The following KCNG3 variants were observed in gnomAD, a reference collection of about 807,000 sequenced individuals.
KCNG3 encodes potassium voltage-gated channel modifier subfamily G member 3.
In KCNG3, 15 loss-of-function variants were observed where a neutral mutation model predicts 29.0. The ratio of observed to expected loss-of-function variants is 0.52; its 90% CI spans 0.35 to 0.80. The LOEUF (loss-of-function observed/expected upper bound fraction) is 0.80, where lower values mean the gene tolerates loss of function less well. Among genes scored for constraint, KCNG3 ranks in the 30% least tolerant of loss-of-function variants. The probability of loss-of-function intolerance (pLI) is 0.01; values close to 1 mark genes in which losing one functional copy is unlikely to be tolerated. For synonymous variants in KCNG3, 322 were observed against 248.9 expected (o/e 1.29, Z -2.76); for missense variants, 512 against 605.7 (o/e 0.85, Z 1.62).
chr2:42,425,487 G>C, the KCNG3 span, among the ~76,000 whole-genome samples: 1 of 151,636 alleles, frequency 6.6e-6, no homozygotes, highest in Non-Finnish European at 1.5e-5. Flanking sequence ...AAGAGAAATA[G>C]AGGGATGATG....
In KCNG3 at chr2:42,493,201, A is replaced by G; in HGVS notation, c.301T>C (p.Trp101Arg). 1 of 1,610,786 alleles carries G rather than the reference A, an allele frequency of 6.2e-7. No homozygotes were observed. The highest frequency in any genetic ancestry group is 8.5e-7 in the Non-Finnish European group (1 of 1,179,822). Residue 101 changes from tryptophan to arginine, a missense_variant, in exon 1 of 2, where the codon TGG becomes CGG. Physicochemically the swap from Trp to Arg is moderately radical, Grantham distance 101 (BLOSUM62 -3). Coordinates refer to ENST00000306078, the MANE Select transcript of KCNG3 (RefSeq NM_133329.6). ...TCGAGGTGCGCGCCCTCCAGGCCCC[A>G]GTAGATCATCTCGTTGTAGAAGGAG... is the stretch of plus-strand genomic sequence containing the variant. ...ELSFYNEMIY[W>R]GLEGAHLEYC...
the KCNG3 span, chr2:42,415,572 A>G: frequency 1.3e-5 from 2 of 152,214 alleles, no homozygotes; most frequent in African/African-American, 2.4e-5. Context: ...ATGTAACATG[A>G]ACAAGAAATA....
At chr2:42,434,568 A>T in the KCNG3 span, among the ~76,000 whole-genome samples, 7 of 150,530 alleles carry the variant, frequency 4.7e-5, no homozygotes, top group African/African-American at 7.3e-5. Context: ...AATAATTTTT[A>T]AAAAAGGGAA....
At chr2:42,389,836 T>C in the KCNG3 span, among the ~76,000 whole-genome samples, 1 of 152,234 alleles carries the variant, frequency 6.6e-6, no homozygotes, top group Middle Eastern at 3.2e-3. Context: ...ACTTTTTAAA[T>C]CTTATTTGTT....
the KCNG3 span, among the ~76,000 whole-genome samples, chr2:42,394,465 C>G: frequency 6.6e-6 from 1 of 152,198 alleles, no homozygotes; most frequent in Non-Finnish European, 1.5e-5. Context: ...CTTCTCTAGA[C>G]CCTTGTCACA....
At chr2:42,487,301 T>A (rs1673749438) in intron 1 of KCNG3, among the ~76,000 whole-genome samples, 2 of 151,840 alleles carry the variant, frequency 1.3e-5, no homozygotes, top group South Asian at 4.2e-4. Context: ...AACAAAGTAT[T>A]TGCAACTAAT....
chr2:42,451,561 C>A (rs1672755047), intron 1 of KCNG3, among the ~76,000 whole-genome samples: 2 of 151,900 alleles, frequency 1.3e-5, no homozygotes, highest in Middle Eastern at 3.4e-3. Context: ...CCCGTCTCTA[C>A]TAAAAATACG....
chr2:42,471,120 C>G (rs1462714032), intron 1 of KCNG3, among the ~76,000 whole-genome samples: 1 of 151,286 alleles, frequency 6.6e-6, no homozygotes, highest in Non-Finnish European at 1.5e-5. Flanking sequence ...CCACTGAACT[C>G]CAGCCTGGGC....
chr2:42,471,885 C>CAAAA (rs59566876), intron 1 of KCNG3, among the ~76,000 whole-genome samples: 6 of 63,826 alleles, frequency 9.4e-5, no homozygotes, highest in Non-Finnish European at 1.5e-4. Flanking sequence ...CCCTGTATCT[C>CAAAA]AAAAAAAAAA....
rs1361762776 is a variant in KCNG3, at chr2:42,445,888, G to T, written c.666-1309C>A. Among the ~76,000 whole-genome samples, 3 of 151,910 alleles carry T rather than the reference G, an allele frequency of 2.0e-5. No individual in the cohort carries two copies. In the East Asian group the frequency reaches 5.8e-4, roughly 30 times the overall value. ...ACTACAGGCGTCTGCCACCATGCGTGACTAATTTTTGTATTTTTAGTAGAG... is the reference window on the plus strand; with the variant it reads ...ACTACAGGCGTCTGCCACCATGCGTTACTAATTTTTGTATTTTTAGTAGAG... On this transcript the variant is annotated intron_variant, in intron 1 of 1. Coordinates refer to ENST00000306078, the MANE Select transcript of KCNG3 (RefSeq NM_133329.6).
chr2:42,492,862 C>G lies in KCNG3; in HGVS notation c.640G>C (p.Ala214Pro). Residue 214 changes from alanine to proline, a missense_variant, in exon 1 of 2, where the codon GCC (alanine) becomes CCC (proline). By Grantham distance (27) the Ala-to-Pro change is conservative. Around this residue, in one of 5 missense-constraint regions of KCNG3, gnomAD observed 228 missense variants for 200.0 expected, o/e 1.14. Coordinates refer to ENST00000306078, the MANE Select transcript of KCNG3 (RefSeq NM_133329.6). ...CCGGAGGGCTCCCTCCCAGGGCCGG[C>G]GGAGTACCTGCTCCGGTCATCCAGG... ...RSLDDRSRYS[A>P]GPGREPSGII... 6.6e-7 allele frequency: 1 copy of G among 1,511,914 alleles called. No homozygotes were observed. Among genetic ancestry groups the G allele is most frequent in the Middle Eastern group, 1.8e-4 (1 of 5,626 alleles). The allele number at this position is 1,511,914 out of a possible 1,614,324, so 93.7% of individuals were successfully genotyped here.
At chr2:42,488,552 C>CTT (rs111727996) in intron 1 of KCNG3, among the ~76,000 whole-genome samples, 6 of 137,006 alleles carry the variant, frequency 4.4e-5, no homozygotes, top group Non-Finnish European at 4.8e-5. Flanking sequence ...ATTTTCTTTT[C>CTT]TTTTTTTTTT....
intron 1 of KCNG3, among the ~76,000 whole-genome samples, chr2:42,457,350 C>T (rs1385935734): frequency 6.6e-6 from 1 of 151,068 alleles, no homozygotes; most frequent in Non-Finnish European, 1.5e-5. Context: ...AAAAATTAGC[C>T]AAGCATGGGG....
chr2:42,408,006 G>A, the KCNG3 span, among the ~76,000 whole-genome samples: 5 of 152,216 alleles, frequency 3.3e-5, no homozygotes, highest in East Asian at 5.8e-4. Flanking sequence ...TGCCCACGCC[G>A]ATCTCAGAAC....
the KCNG3 span, among the ~76,000 whole-genome samples, chr2:42,420,098 C>G: frequency 6.6e-6 from 1 of 152,118 alleles, no homozygotes; most frequent in African/African-American, 2.4e-5. Context: ...GTGGCGGGCC[C>G]CTATAATCCC....
intron 1 of KCNG3, among the ~76,000 whole-genome samples, chr2:42,486,562 A>C (rs1376601504): frequency 6.6e-6 from 1 of 152,030 alleles, no homozygotes; most frequent in African/African-American, 2.4e-5. Flanking sequence ...AACCTCATCT[A>C]CCCTTGGACA....
Position 42,493,738 on chromosome 2 carries a change from T to C in KCNG3, c.-237A>G. On this transcript the variant is annotated 5_prime_UTR_variant, in exon 1 of 2. Coordinates refer to ENST00000306078, the MANE Select transcript of KCNG3 (RefSeq NM_133329.6). ...GTACCTGCGGGTGGCCGGGGAGTCC[T>C]CGCCGGCGCCAGCGCTGAGCCCCAC... is the stretch of plus-strand genomic sequence containing the variant. 3.0e-6 allele frequency: 1 copy of C among 332,516 alleles called. No homozygotes were observed. The highest frequency in any genetic ancestry group is 5.4e-6 in the Non-Finnish European group (1 of 184,840). The allele number at this position is 332,516 out of a possible 1,614,324, so 20.6% of individuals were successfully genotyped here. A position where few individuals can be genotyped will look rare whatever the true frequency, so the allele number is the denominator to read the frequency against.
intron 1 of KCNG3, among the ~76,000 whole-genome samples, chr2:42,461,669 C>T (rs534713435): frequency 6.6e-6 from 1 of 152,280 alleles, no homozygotes; most frequent in African/African-American, 2.4e-5. Flanking sequence ...TGCACCTTCA[C>T]CACCACCCCA....
the KCNG3 span, among the ~76,000 whole-genome samples, chr2:42,402,198 C>A: frequency 1.1e-4 from 16 of 152,216 alleles, no homozygotes; most frequent in Admixed American, 7.2e-4. Context: ...GACATCAGAA[C>A]CCCTGCTTCT....
Sources: allele counts gnomAD v4.1 joint callset (sites outside exome capture counted in the v4.1 genomes callset), GRCh38; gene constraint gnomAD v4.1.1; regional missense constraint gnomAD v4.1.1; transcripts MANE v1.5; gene names NCBI Gene and HGNC (gene_info 2026-07-23, HGNC 2026-07-21).